Variants in TNIK observed in about 807,000 individuals in gnomAD.
TNIK encodes TRAF2 and NCK-interacting protein kinase.
Under a neutral mutation model 191.3 loss-of-function variants are expected in TNIK, and 49 were observed. That is an observed-to-expected ratio of 0.26 (90% CI 0.20 to 0.32). The LOEUF is 0.32. Ranked by LOEUF, TNIK falls within the 10% of genes least tolerant of loss-of-function variation. TNIK has a pLI of 1.00. For synonymous variants in TNIK, 594 were observed against 600.9 expected, an observed-to-expected ratio of 0.99 and a Z score of 0.17; for missense variants, 1,155 against 1,702.3, an observed-to-expected ratio of 0.68 and a Z score of 5.66.
At position 171,082,117 on chromosome 3, in the gene TNIK, A is replaced by C. The variant is rs1465503727; in HGVS notation, c.3313+134T>G. 7.3e-6 allele frequency: 9 copies of C among 1,227,672 alleles called. No individual in the cohort carries two copies. In the East Asian group the frequency reaches 2.1e-4, roughly 28 times the overall value. The allele number at this position is 1,227,672 out of a possible 1,614,324, so 76.0% of individuals were successfully genotyped here. A position where few individuals can be genotyped will look rare whatever the true frequency, so the allele number is the denominator to read the frequency against. ...AGTGTTACAAAATGTGGGCAATCTCACTCTGGCTATACTGCTATACTTTAT... is the reference window on the plus strand; with the variant it reads ...AGTGTTACAAAATGTGGGCAATCTCCCTCTGGCTATACTGCTATACTTTAT... On this transcript the variant is annotated intron_variant, in intron 27 of 32. Coordinates refer to ENST00000436636, the MANE Select transcript of TNIK (RefSeq NM_015028.4).
intron 2 of TNIK, among the ~76,000 whole-genome samples, chr3:171,358,769 G>C (rs774035688): frequency 3.9e-5 from 6 of 152,138 alleles, no homozygotes; most frequent in African/African-American, 9.7e-5. Context: ...ATAATAAAGT[G>C]GGCTGTTGGT....
chr3:171,308,975 G>A (rs1265451652), intron 2 of TNIK, among the ~76,000 whole-genome samples: 1 of 152,152 alleles, frequency 6.6e-6, no homozygotes, highest in Non-Finnish European at 1.5e-5. Context: ...TTGCCACTAT[G>A]GAAAGCAGTT....
At chr3:171,186,076 G>A (rs189453047) in intron 7 of TNIK, among the ~76,000 whole-genome samples, 22 of 152,296 alleles carry the variant, frequency 1.4e-4, no homozygotes, top group Admixed American at 1.4e-3. Context: ...ATCAGAAACT[G>A]CATGTACAGA....
chr3:171,155,341 A>G (rs1397627394), intron 12 of TNIK, among the ~76,000 whole-genome samples: 1 of 152,048 alleles, frequency 6.6e-6, no homozygotes, highest in Non-Finnish European at 1.5e-5. Context: ...TTCAGAATTT[A>G]CAGCTCTCTG....
chr3:171,201,071 A>C (rs964609382), intron 4 of TNIK, among the ~76,000 whole-genome samples: 1 of 152,156 alleles, frequency 6.6e-6, no homozygotes, highest in African/African-American at 2.4e-5. Context: ...TAAAGTGAGA[A>C]GGGTTTGCAC....
At position 171,081,390 on chromosome 3, in the gene TNIK, C is replaced by T. The variant is rs1195177438; in HGVS notation, c.3313+861G>A. 2.0e-5 allele frequency among the ~76,000 whole-genome samples: 3 copies of T among 151,636 alleles called. No individual in the cohort carries two copies. The East Asian group carries it at 5.8e-4, about 29-fold the overall frequency. On this transcript the variant is annotated intron_variant, in intron 27 of 32. Transcript: ENST00000436636. ...GTGAAACAATGGCTGAGCATAAATC[C>T]ATGTTCTCAAACTTGGCTGTACAAT...
In TNIK at chr3:171,110,758, TG is replaced by T; in HGVS notation, c.2239del (p.Gln747SerfsTer33). ...SSQPSSQGGS[Q>X]PGSQAGSSER... The stretch of plus-strand genomic sequence containing the variant: ...ACTGGATCCTGCTTGTGATCCAGGC[TG>T]GGAGCCTCCTTGGGAGCTGGGCTGG... On this transcript the variant is annotated frameshift_variant, in exon 19 of 33. Transcript: ENST00000436636. LOFTEE classifies it high-confidence loss of function. 1 of 1,602,910 alleles carries T rather than the reference TG, an allele frequency of 6.2e-7. No individual in the cohort carries two copies. The highest frequency in any genetic ancestry group is 8.5e-7 in the Non-Finnish European group (1 of 1,174,888).
chr3:171,167,570 C>T (rs1296108432), intron 9 of TNIK, among the ~76,000 whole-genome samples: 2 of 152,136 alleles, frequency 1.3e-5, no homozygotes, highest in Non-Finnish European at 2.9e-5. Flanking sequence ...AAAAAGACCC[C>T]TATGGGAATC....
At chr3:171,178,782 T>C (rs1169322684) in intron 7 of TNIK, among the ~76,000 whole-genome samples, 1 of 152,226 alleles carries the variant, frequency 6.6e-6, no homozygotes, top group Non-Finnish European at 1.5e-5. Context: ...TGTACATTTT[T>C]CAAAATTGTC....
intron 15 of TNIK, among the ~76,000 whole-genome samples, chr3:171,136,598 A>G (rs1730008840): frequency 6.6e-6 from 1 of 152,160 alleles, no homozygotes. Context: ...CTTGGTCTGG[A>G]ATCATTAATT....
intron 9 of TNIK, among the ~76,000 whole-genome samples, chr3:171,171,822 A>G (rs1735323505): frequency 1.3e-5 from 2 of 152,206 alleles, no homozygotes; most frequent in African/African-American, 4.8e-5. Flanking sequence ...GGAAGAGAGA[A>G]TGGGTATCCC....
At chr3:171,086,381 G>T (rs745656035) in intron 24 of TNIK, among the ~76,000 whole-genome samples, 9 of 152,166 alleles carry the variant, frequency 5.9e-5, no homozygotes, top group Non-Finnish European at 1.2e-4. Context: ...AAGAGGTAGG[G>T]CAGGCACTAA....
intron 1 of TNIK, among the ~76,000 whole-genome samples, chr3:171,452,213 G>C (rs1728246896): frequency 6.6e-6 from 1 of 152,160 alleles, no homozygotes; most frequent in African/African-American, 2.4e-5. Context: ...GAATCTGACA[G>C]CTGGAAAAAA....
intron 22 of TNIK, among the ~76,000 whole-genome samples, chr3:171,099,161 C>G (rs1212614466): frequency 6.6e-6 from 1 of 152,026 alleles, no homozygotes; most frequent in African/African-American, 2.4e-5. Context: ...CTTTTCAAAT[C>G]GTCTTGCTGA....
At chr3:171,173,263 G>A (rs1403713642) in intron 9 of TNIK, among the ~76,000 whole-genome samples, 1 of 151,652 alleles carries the variant, frequency 6.6e-6, no homozygotes, top group African/African-American at 2.4e-5. Context: ...GGGCATGGTG[G>A]CGGGCGCCTG....
At chr3:171,085,670 T>A (rs55962500) in intron 24 of TNIK, among the ~76,000 whole-genome samples, 2 of 152,296 alleles carry the variant, frequency 1.3e-5, no homozygotes, top group Non-Finnish European at 1.5e-5. Context: ...CCAAGGGGCT[T>A]TCTCTTGGGG....
intron 2 of TNIK, among the ~76,000 whole-genome samples, chr3:171,277,439 G>C (rs76833789): frequency 1.1e-3 from 164 of 152,220 alleles, no homozygotes; most frequent in African/African-American, 3.7e-3. Context: ...TTGGGGAACA[G>C]GTTCGGGAAG....
Position 171,129,090 on chromosome 3 carries a change from T to C in TNIK, c.1609-212A>G, listed in dbSNP as rs567583923. ...CAAAATAGAACACCCAAGCCATCAC[T>C]CTTCCATTACCCATTATCTAGTGTT... On this transcript the variant is annotated intron_variant, in intron 15 of 32. Coordinates refer to ENST00000436636, the MANE Select transcript of TNIK (RefSeq NM_015028.4). Among the ~76,000 whole-genome samples, 5 of 152,228 alleles carry C rather than the reference T, an allele frequency of 3.3e-5. No individual in the cohort carries two copies. In the South Asian group the frequency reaches 1.0e-3, roughly 32 times the overall value.
intron 1 of TNIK, among the ~76,000 whole-genome samples, chr3:171,412,824 G>C (rs1405451242): frequency 1.3e-5 from 2 of 152,158 alleles, no homozygotes; most frequent in African/African-American, 4.8e-5. Context: ...TCTTATAATT[G>C]GTTGCTGTGA....
Sources: gnomAD v4.1 joint callset for allele counts (sites outside exome capture counted in the v4.1 genomes callset) on GRCh38, gnomAD v4.1.1 for gene constraint, MANE v1.5 for transcripts, NCBI Gene and HGNC (gene_info 2026-07-23, HGNC 2026-07-21) for gene names.